The following MBTD1 variants were observed in gnomAD, a reference collection of about 807,000 sequenced individuals.
MBTD1 encodes the protein mbt domain containing 1.
A neutral mutation model predicts 87.8 loss-of-function variants in MBTD1; 24 were observed. The observed-to-expected ratio is 0.27, with a 90% CI of 0.20 to 0.38. MBTD1 has a LOEUF of 0.38. MBTD1 is among the 10% of genes least tolerant of loss of function. The pLI, the probability that MBTD1 is intolerant of heterozygous loss-of-function variation, is 1.00. For synonymous variants in MBTD1, 237 were observed against 248.6 expected, an observed-to-expected ratio of 0.95 and a Z score of 0.44; for missense variants, 436 against 760.2, an observed-to-expected ratio of 0.57 and a Z score of 5.02.
chr17:51,211,169 A>C (rs1422314785), intron 6 of MBTD1, among the ~76,000 whole-genome samples: 1 of 151,550 alleles, frequency 6.6e-6, no homozygotes, highest in African/African-American at 2.4e-5. Flanking sequence ...AAAAGGAAAA[A>C]AAAATTTAAG....
intron 2 of MBTD1, 96 bp from the exon 3 acceptor site, chr17:51,225,305 A>C: frequency 3.7e-6 from 2 of 540,668 alleles, no homozygotes; most frequent in Non-Finnish European, 6.0e-6. Flanking sequence ...GATTTGATAA[A>C]TGAAAACGCA....
chr17:51,178,721 G>A lies in MBTD1; in HGVS notation c.*1855C>T, dbSNP rs1367710878. On this transcript the variant is annotated 3_prime_UTR_variant, in exon 17 of 17. Coordinates refer to ENST00000586178, the MANE Select transcript of MBTD1 (RefSeq NM_017643.3). ...TCACATTTACAGTAGGTCCCTCTCA[G>A]CAATGTTAAGATAAATATCCAGTAA... The A allele has an allele frequency of 1.3e-5, 2 of 152,164 alleles. No individual in the cohort carries two copies. The highest frequency in any genetic ancestry group is 4.8e-5 in the African/African-American group (2 of 41,440). The allele number at this position is 152,164 out of a possible 1,614,324, so 9.4% of individuals were successfully genotyped here. A position where few individuals can be genotyped will look rare whatever the true frequency, so the allele number is the denominator to read the frequency against.
intron 2 of MBTD1, among the ~76,000 whole-genome samples, chr17:51,233,120 A>G (rs2053635822): frequency 6.6e-6 from 1 of 151,826 alleles, no homozygotes; most frequent in East Asian, 1.9e-4. Flanking sequence ...ATTCACAGAT[A>G]AAACTATAAT....
At chr17:51,228,553 C>T (rs1276603501) in intron 2 of MBTD1, among the ~76,000 whole-genome samples, 1 of 143,042 alleles carries the variant, frequency 7.0e-6, no homozygotes, top group Non-Finnish European at 1.5e-5. Flanking sequence ...AAATAAATTG[C>T]ATAACTACAG....
At chr17:51,243,187 A>G (rs144435065) in intron 2 of MBTD1, among the ~76,000 whole-genome samples, 220 of 152,326 alleles carry the variant, frequency 1.4e-3, no homozygotes, top group African/African-American at 4.6e-3. Context: ...AGCAATATTG[A>G]GAGTGCTTGT....
At chr17:51,247,372 A>T (rs2054501686) in intron 2 of MBTD1, among the ~76,000 whole-genome samples, 1 of 151,730 alleles carries the variant, frequency 6.6e-6, no homozygotes, top group East Asian at 1.9e-4. Context: ...TTTCATTAGT[A>T]TCTGTATGTG....
rs117630895 is a variant in MBTD1, at chr17:51,259,743, G to C, written c.-113+92C>G. 339 of 1,152,096 alleles carry C rather than the reference G, an allele frequency of 2.9e-4. 3 individuals carry two copies. In the East Asian group the frequency reaches 0.01, roughly 35 times the overall value. 71.4% of individuals were successfully genotyped at this position (1,152,096 alleles called of 1,614,324 possible). A position where few individuals can be genotyped will look rare whatever the true frequency, so the allele number is the denominator to read the frequency against. On this transcript the variant is annotated intron_variant, in intron 1 of 16. Coordinates refer to ENST00000586178, the MANE Select transcript of MBTD1 (RefSeq NM_017643.3). The stretch of plus-strand genomic sequence containing the variant: ...GGGATGGAGAAGCAGGCCAGGGAGC[G>C]GGGTCAGGGAGCTGCGGGGTTCCTG...
rs1222925683 is a variant in MBTD1 at position 51,203,944 on chromosome 17, T to C, written c.605-19A>G. The C allele has an allele frequency of 6.4e-7, 1 of 1,567,534 alleles. No individual in the cohort carries two copies. Among genetic ancestry groups the C allele is most frequent in the Non-Finnish European group, 8.7e-7 (1 of 1,154,774 alleles). On this transcript the variant is annotated intron_variant, in intron 7 of 16. Coordinates refer to ENST00000586178, the MANE Select transcript of MBTD1 (RefSeq NM_017643.3). ...TTGTAACCTGAAACCCAGAAATAAA[T>C]CACTACATAATAAGAAAATAAAATT...
chr17:51,254,650 C>T (rs2054979532), intron 2 of MBTD1, among the ~76,000 whole-genome samples: 2 of 152,150 alleles, frequency 1.3e-5, no homozygotes, highest in Admixed American at 6.5e-5. Context: ...GTTATGACTT[C>T]GGATGTAACA....
chr17:51,180,012 A>T lies in MBTD1; in HGVS notation c.*564T>A, dbSNP rs1305931881. ...AAATATTTCTGTACAAACATTTAAA[A>T]TGGGCTGCAATAAAATGCCAACAAG... On this transcript the variant is annotated 3_prime_UTR_variant, in exon 17 of 17. Transcript: ENST00000586178. 1 of 152,192 alleles carries T rather than the reference A, an allele frequency of 6.6e-6. No individual in the cohort carries two copies. Among genetic ancestry groups the T allele is most frequent in the Non-Finnish European group, 1.5e-5 (1 of 68,028 alleles). The allele number at this position is 152,192 out of a possible 1,614,324, so 9.4% of individuals were successfully genotyped here. A position where few individuals can be genotyped will look rare whatever the true frequency, so the allele number is the denominator to read the frequency against.
intron 11 of MBTD1, 115 bp downstream of exon 11, chr17:51,201,907 T>C (rs578248342): frequency 1.7e-5 from 13 of 763,564 alleles, no homozygotes; most frequent in Non-Finnish European, 2.7e-5. Context: ...ATTTACAAGG[T>C]CTTAATTCTT....
intron 6 of MBTD1, among the ~76,000 whole-genome samples, chr17:51,214,080 T>C (rs898708599): frequency 2.2e-4 from 33 of 151,760 alleles, no homozygotes; most frequent in African/African-American, 3.4e-4. Flanking sequence ...AACACACACA[T>C]ATATATATAC....
At chr17:51,233,848 G>A (rs550197928) in intron 2 of MBTD1, among the ~76,000 whole-genome samples, 1 of 151,916 alleles carries the variant, frequency 6.6e-6, no homozygotes, top group Non-Finnish European at 1.5e-5. Context: ...AAAAGAGAAG[G>A]GAATCAAAAT....
At chr17:51,251,425 G>A (rs1382342222) in intron 2 of MBTD1, 4 of 152,038 alleles carry the variant, frequency 2.6e-5, no homozygotes, top group Non-Finnish European at 5.9e-5. Flanking sequence ...TACCAATTCT[G>A]GTACTGCTTA....
intron 2 of MBTD1, among the ~76,000 whole-genome samples, chr17:51,227,304 T>C (rs1049688478): frequency 9.3e-5 from 14 of 151,186 alleles, no homozygotes; most frequent in Admixed American, 2.6e-4. Context: ...CTCGCATCTG[T>C]AATCCTAGTA....
chr17:51,181,773 C>T (rs761728865), intron 16 of MBTD1, among the ~76,000 whole-genome samples: 5 of 152,186 alleles, frequency 3.3e-5, no homozygotes, highest in Non-Finnish European at 5.9e-5. Context: ...AAGCTGAGTG[C>T]CTGCCTGAGT....
At chr17:51,199,537 GT>G (rs1377803557) in intron 12 of MBTD1, among the ~76,000 whole-genome samples, 2 of 151,966 alleles carry the variant, frequency 1.3e-5, no homozygotes, top group African/African-American at 2.4e-5. Flanking sequence ...CCCTTCCTGG[GT>G]TCAAGTGATT....
At chr17:51,222,414 GT>G (rs11386151) in intron 3 of MBTD1, among the ~76,000 whole-genome samples, 1 of 151,794 alleles carries the variant, frequency 6.6e-6, no homozygotes, top group East Asian at 1.9e-4. Context: ...TGTTTTGTTT[GT>G]TTTTTTTGAG....
chr17:51,191,324 C>T (rs887332542), intron 16 of MBTD1, among the ~76,000 whole-genome samples: 13 of 149,232 alleles, frequency 8.7e-5, no homozygotes, highest in South Asian at 4.2e-4. Flanking sequence ...TGCAATGGCA[C>T]GATCTCGGCT....
Sources: allele counts gnomAD v4.1 joint callset (sites outside exome capture counted in the v4.1 genomes callset), GRCh38; gene constraint gnomAD v4.1.1; transcripts MANE v1.5; gene names NCBI Gene and HGNC (gene_info 2026-07-23, HGNC 2026-07-21).